Variants in CADM2 observed in about 807,000 individuals in gnomAD.
CADM2 encodes the protein cell adhesion molecule 2.
In CADM2, 12 loss-of-function variants were observed where a neutral mutation model predicts 49.8. That is an observed-to-expected ratio of 0.24 (90% CI 0.15 to 0.39). CADM2 has a LOEUF of 0.39. Ranked by LOEUF, CADM2 falls within the 10% of genes least tolerant of loss-of-function variation. CADM2 has a pLI of 1.00. For missense variants in CADM2, 378 were observed against 492.3 expected, an observed-to-expected ratio of 0.77 and a Z score of 2.20; for synonymous variants, 214 against 175.4, an observed-to-expected ratio of 1.22 and a Z score of -1.74.
intron 1 of CADM2, among the ~76,000 whole-genome samples, chr3:85,626,033 A>C (rs550776791): frequency 1.3e-5 from 2 of 152,138 alleles, no homozygotes; most frequent in South Asian, 4.1e-4. Context: ...AAGTGTATGC[A>C]TATTATTCTG....
intron 1 of CADM2, among the ~76,000 whole-genome samples, chr3:85,106,293 G>T (rs1469517295): frequency 4.6e-5 from 7 of 152,080 alleles, no homozygotes; most frequent in Admixed American, 4.6e-4. Flanking sequence ...AAGTAAGGAA[G>T]ATGGAGATTT....
At chr3:85,680,222 A>C (rs1371298044) in intron 1 of CADM2, among the ~76,000 whole-genome samples, 4 of 152,044 alleles carry the variant, frequency 2.6e-5, no homozygotes, top group Admixed American at 6.6e-5. Flanking sequence ...AAAATATAAA[A>C]ATTTTTCACA....
At chr3:85,826,354 T>G (rs1474413331) in intron 3 of CADM2, among the ~76,000 whole-genome samples, 1 of 152,090 alleles carries the variant, frequency 6.6e-6, no homozygotes, top group Admixed American at 6.6e-5. Flanking sequence ...TACTTTGCAC[T>G]CAACTTCCAT....
chr3:85,774,009 T>C (rs1401566256), intron 2 of CADM2, among the ~76,000 whole-genome samples: 1 of 151,996 alleles, frequency 6.6e-6, no homozygotes, highest in Admixed American at 6.6e-5. Flanking sequence ...TTGAAAGTTG[T>C]ATTTGAAAAA....
At chr3:85,929,549 G>T (rs954999445) in intron 6 of CADM2, among the ~76,000 whole-genome samples, 2 of 151,818 alleles carry the variant, frequency 1.3e-5, no homozygotes, top group African/African-American at 4.8e-5. Flanking sequence ...ATAAATTTAA[G>T]ATTATTTTAG....
chr3:85,049,341 T>TTATTTATC (rs1218570019), intron 1 of CADM2, among the ~76,000 whole-genome samples: 1 of 151,066 alleles, frequency 6.6e-6, no homozygotes, highest in Non-Finnish European at 1.5e-5. Context: ...ATTTATTTAT[T>TTATTTATC]TATTTATTTA....
At chr3:85,818,758 G>A (rs556432848) in intron 3 of CADM2, among the ~76,000 whole-genome samples, 1 of 152,244 alleles carries the variant, frequency 6.6e-6, no homozygotes, top group South Asian at 2.1e-4. Context: ...TTTGAGGAAA[G>A]AGAGGTGAAA....
intron 9 of CADM2, among the ~76,000 whole-genome samples, chr3:86,066,451 C>A (rs1739353826): frequency 6.7e-6 from 1 of 150,008 alleles, no homozygotes; most frequent in Non-Finnish European, 1.5e-5. Flanking sequence ...TTACCCATTT[C>A]AGTTTGGCTC....
intron 5 of CADM2, among the ~76,000 whole-genome samples, chr3:85,890,286 C>A (rs1714247925): frequency 6.6e-6 from 1 of 151,930 alleles, no homozygotes; most frequent in Non-Finnish European, 1.5e-5. Context: ...CTGTATTTTA[C>A]ATGAGAAAGA....
intron 1 of CADM2, among the ~76,000 whole-genome samples, chr3:85,130,724 T>C (rs2039199539): frequency 6.6e-6 from 1 of 152,220 alleles, no homozygotes; most frequent in Admixed American, 6.5e-5. Context: ...TAAGTAGACT[T>C]CTATTTTCTT....
At chr3:85,056,940 T>C (rs1036419932) in intron 1 of CADM2, among the ~76,000 whole-genome samples, 12 of 152,094 alleles carry the variant, frequency 7.9e-5, no homozygotes, top group Admixed American at 7.2e-4. Flanking sequence ...CAGGCCCTAC[T>C]TGCAGAGTTA....
intron 7 of CADM2, among the ~76,000 whole-genome samples, chr3:85,960,646 T>C (rs533622624): frequency 1.3e-5 from 2 of 152,006 alleles, no homozygotes; most frequent in Non-Finnish European, 2.9e-5. Context: ...TATTAACAAC[T>C]ATTTCTATCA....
chr3:85,929,059 C>T lies in CADM2; in HGVS notation c.701-6708C>T, dbSNP rs541493140. ...GGACAAAACTAGAATAAATAGCAGT[C>T]GTATTAATGCATTTTTTCTAACCCC... is the stretch of plus-strand genomic sequence containing the variant. On this transcript the variant is annotated intron_variant, in intron 6 of 9. Coordinates refer to ENST00000383699, the MANE Select transcript of CADM2 (RefSeq NM_001167675.2). Among the ~76,000 whole-genome samples the T allele has an allele frequency of 9.9e-5, 15 of 152,106 alleles. No individual in the cohort carries two copies. The South Asian group carries it at 2.9e-3, about 29-fold the overall frequency.
At position 86,009,251 on chromosome 3, in the gene CADM2, GTATT is replaced by G. The variant is rs779149505; in HGVS notation, c.970+47607_970+47610del. Among the ~76,000 whole-genome samples the G allele has an allele frequency of 1.8e-3, 273 of 147,890 alleles. 3 individuals are homozygous for G. Among genetic ancestry groups the G allele is most frequent in the Non-Finnish European group, 4.6e-4 (31 of 66,994 alleles). On this transcript the variant is annotated intron_variant, in intron 8 of 9. Coordinates refer to ENST00000383699, the MANE Select transcript of CADM2 (RefSeq NM_001167675.2). ...TATATACATATATATATTCTTTCCA[GTATT>G]TAAACAATCAAAAGCAAAATGGTAT...
intron 8 of CADM2, chr3:86,012,500 G>C: frequency 2.8e-6 from 3 of 1,084,618 alleles, no homozygotes; most frequent in Non-Finnish European, 3.8e-6. Flanking sequence ...CCGGACCAGC[G>C]GGCGGACTGC....
At chr3:85,459,143 A>T (rs2107585087) in intron 1 of CADM2, among the ~76,000 whole-genome samples, 1 of 152,264 alleles carries the variant, frequency 6.6e-6, no homozygotes, top group East Asian at 1.9e-4. Context: ...AAGTCACTTG[A>T]ACAATAATAT....
At chr3:85,617,549 A>G (rs919373961) in intron 1 of CADM2, among the ~76,000 whole-genome samples, 44 of 152,090 alleles carry the variant, frequency 2.9e-4, no homozygotes, top group African/African-American at 1.0e-3. Context: ...TTGGATTTTT[A>G]TGGAAGCTTC....
chr3:86,020,076 T>C (rs1732918237), intron 8 of CADM2, among the ~76,000 whole-genome samples: 1 of 151,582 alleles, frequency 6.6e-6, no homozygotes, highest in South Asian at 2.1e-4. Flanking sequence ...TCAACAAAAT[T>C]GATGGACCGC....
At chr3:85,328,943 T>A (rs1314898312) in intron 1 of CADM2, among the ~76,000 whole-genome samples, 2 of 151,580 alleles carry the variant, frequency 1.3e-5, no homozygotes, top group Admixed American at 1.3e-4. Flanking sequence ...TGAAACCCAT[T>A]ACCCTCAGAA....
Sources: allele counts gnomAD v4.1 joint callset (sites outside exome capture counted in the v4.1 genomes callset), GRCh38; gene constraint gnomAD v4.1.1; transcripts MANE v1.5; gene names NCBI Gene and HGNC (gene_info 2026-07-23, HGNC 2026-07-21).